The following HMGCLL1 variants were observed in gnomAD, a reference collection of about 807,000 sequenced individuals.
HMGCLL1 encodes the protein 3-hydroxymethyl-3-methylglutaryl-CoA lyase, cytoplasmic.
A neutral mutation model predicts 39.1 loss-of-function variants in HMGCLL1; 36 were observed. That is an observed-to-expected ratio of 0.92 (90% CI 0.71 to 1.22). HMGCLL1 has a LOEUF of 1.22. Among genes scored for constraint, HMGCLL1 ranks in the 50% most tolerant of loss-of-function variants. HMGCLL1 has a pLI of 0.00. For missense variants in HMGCLL1, 451 were observed against 416.5 expected (o/e 1.08, Z -0.72); for synonymous variants, 149 against 144.0 (o/e 1.03, Z -0.25).
chr6:55,476,240 T>C (rs1765279865), intron 7 of HMGCLL1, among the ~76,000 whole-genome samples: 1 of 151,662 alleles, frequency 6.6e-6, no homozygotes, highest in South Asian at 2.1e-4. Flanking sequence ...TTATAAAACT[T>C]CTCTTCATAG....
At chr6:55,571,632 C>T (rs1281147262) in intron 1 of HMGCLL1, among the ~76,000 whole-genome samples, 2 of 151,448 alleles carry the variant, frequency 1.3e-5, no homozygotes, top group African/African-American at 4.9e-5. Flanking sequence ...GGTGAAACCC[C>T]ATCTCTACTA....
At chr6:55,530,741 C>G (rs1241466826) in intron 3 of HMGCLL1, among the ~76,000 whole-genome samples, 2 of 152,100 alleles carry the variant, frequency 1.3e-5, no homozygotes, top group Non-Finnish European at 2.9e-5. Flanking sequence ...GTTTATCTTT[C>G]TAAGTCTCTA....
chr6:55,596,083 G>A, the HMGCLL1 span, among the ~76,000 whole-genome samples: 1 of 152,152 alleles, frequency 6.6e-6, no homozygotes, highest in African/African-American at 2.4e-5. Flanking sequence ...CCAGCTCTTT[G>A]GGAGGCCAAG....
the HMGCLL1 span, among the ~76,000 whole-genome samples, chr6:55,647,764 AT>A: frequency 2.4e-4 from 18 of 76,120 alleles, no homozygotes; most frequent in African/African-American, 8.0e-4. Flanking sequence ...TTTTTATTTT[AT>A]TTTATTTTTT....
chr6:55,607,650 G>T, the HMGCLL1 span, among the ~76,000 whole-genome samples: 2 of 152,118 alleles, frequency 1.3e-5, no homozygotes, highest in Admixed American at 6.5e-5. Context: ...AACACCTAAA[G>T]CTCCGACTGG....
chr6:55,584,553 T>G, the HMGCLL1 span, among the ~76,000 whole-genome samples: 1 of 151,794 alleles, frequency 6.6e-6, no homozygotes, highest in Non-Finnish European at 1.5e-5. Context: ...AAAAACAGAG[T>G]GAGGAGGGAT....
At chr6:55,526,580 G>A (rs1030326047) in intron 3 of HMGCLL1, among the ~76,000 whole-genome samples, 2 of 151,740 alleles carry the variant, frequency 1.3e-5, no homozygotes, top group Non-Finnish European at 1.5e-5. Context: ...ATTCTAATTC[G>A]AATTCACTTT....
At position 55,499,238 on chromosome 6, in the gene HMGCLL1, C is replaced by A; in HGVS notation, c.604G>T (p.Glu202Ter). Residue 202 changes from glutamate (E) to a stop codon, truncating the protein, a stop_gained and splice_region_variant, in exon 6 of 9, where the codon GAA becomes TAA. Transcript: ENST00000274901. LOFTEE classifies it high-confidence loss of function. Reference sequence around the variant, plus strand: ...AAAAAGCTGAAGATGTAGCTTACTTCTGTCACTTTTTGCGGTGTAATACTT... The same window carrying A: ...AAAAAGCTGAAGATGTAGCTTACTTATGTCACTTTTTGCGGTGTAATACTT... ...EGSITPQKVT[E>*]VSKRLYGMGC... The A allele has an allele frequency of 6.2e-7, 1 of 1,608,402 alleles. No homozygotes were observed. The highest frequency in any genetic ancestry group is 8.5e-7 in the Non-Finnish European group (1 of 1,177,264).
chr6:55,555,713 C>T (rs1045078287), intron 1 of HMGCLL1, among the ~76,000 whole-genome samples: 1 of 152,198 alleles, frequency 6.6e-6, no homozygotes, highest in African/African-American at 2.4e-5. Context: ...ATTCACTATA[C>T]ATGGTGTGTC....
chr6:55,480,237 T>C (rs1765665358), intron 7 of HMGCLL1, among the ~76,000 whole-genome samples: 1 of 151,454 alleles, frequency 6.6e-6, no homozygotes. Context: ...TTGACAGGGA[T>C]TAATAACCCG....
At chr6:55,584,634 C>T in the HMGCLL1 span, among the ~76,000 whole-genome samples, 1 of 151,992 alleles carries the variant, frequency 6.6e-6, no homozygotes, top group East Asian at 1.9e-4. Context: ...GTGGGAAGTA[C>T]TTGGGTGAGA....
intron 7 of HMGCLL1, among the ~76,000 whole-genome samples, chr6:55,492,672 A>G (rs376983544): frequency 6.6e-6 from 1 of 152,216 alleles, no homozygotes; most frequent in Admixed American, 6.5e-5. Context: ...ACTCATTTAT[A>G]GTAGCTTCTC....
At chr6:55,625,398 ATGGTCTCCACTTTTGCCACCCTGCCT>A in the HMGCLL1 span, among the ~76,000 whole-genome samples, 1 of 152,074 alleles carries the variant, frequency 6.6e-6, no homozygotes, top group Admixed American at 6.6e-5. Context: ...TCAAATGCCC[ATGGTCTCCACTTTTGCCACCCTGCCT>A]TCTCTACCCC....
In HMGCLL1 at chr6:55,579,066, G is replaced by A. The variant is rs1287041031; in HGVS notation, c.-11C>T. On this transcript the variant is annotated 5_prime_UTR_variant, in exon 1 of 9. Transcript: ENST00000274901. ...TGGCACATTCCCCATGGCGGAGCCTGGGGCGGCAGTCGGCGAGGGGAGGGA... is the reference window on the plus strand; with the variant it reads ...TGGCACATTCCCCATGGCGGAGCCTAGGGCGGCAGTCGGCGAGGGGAGGGA... 6.3e-7 allele frequency: 1 copy of A among 1,599,198 alleles called. No individual in the cohort carries two copies. The highest frequency in any genetic ancestry group is 1.1e-5 in the South Asian group (1 of 89,448).
At position 55,540,062 on chromosome 6, in the gene HMGCLL1, G is replaced by A. The variant is rs13437374; in HGVS notation, c.297+1667C>T. ...GGAGGGAGGGAGGGAAGGAAGCAAA[G>A]GAGGGAAGGGAAGGAAGGAAAATAT... On this transcript the variant is annotated intron_variant, in intron 3 of 8. Transcript: ENST00000274901. Among the ~76,000 whole-genome samples the A allele has an allele frequency of 7.9e-3, 1,094 of 138,748 alleles. 20 individuals carry two copies. The highest frequency in any genetic ancestry group is 0.029 in the African/African-American group (1,036 of 35,692). The allele number at this position is 138,748 out of a possible 152,430, so 91.0% of individuals were successfully genotyped here. A position where few individuals can be genotyped will look rare whatever the true frequency, so the allele number is the denominator to read the frequency against.
chr6:55,638,285 TAATCCCA>T, the HMGCLL1 span, among the ~76,000 whole-genome samples: 1 of 151,688 alleles, frequency 6.6e-6, no homozygotes, highest in Non-Finnish European at 1.5e-5. Flanking sequence ...CGGGCGCTTG[TAATCCCA>T]GCTACTAGGG....
the HMGCLL1 span, among the ~76,000 whole-genome samples, chr6:55,629,809 C>T: frequency 6.6e-6 from 1 of 152,150 alleles, no homozygotes; most frequent in Admixed American, 6.6e-5. Context: ...GCTGCTTCCA[C>T]ATGATGTTGA....
At chr6:55,615,942 A>C in the HMGCLL1 span, among the ~76,000 whole-genome samples, 1 of 152,108 alleles carries the variant, frequency 6.6e-6, no homozygotes, top group African/African-American at 2.4e-5. Flanking sequence ...ACCCTGCCCT[A>C]TCCCCCACTT....
chr6:55,585,841 A>C, the HMGCLL1 span, among the ~76,000 whole-genome samples: 1 of 152,116 alleles, frequency 6.6e-6, no homozygotes, highest in African/African-American at 2.4e-5. Flanking sequence ...TATATATTTA[A>C]GATTAAGATA....
Sources: gnomAD v4.1 joint callset for allele counts (sites outside exome capture counted in the v4.1 genomes callset) on GRCh38, gnomAD v4.1.1 for gene constraint, MANE v1.5 for transcripts, NCBI Gene and HGNC (gene_info 2026-07-23, HGNC 2026-07-21) for gene names.